Variants in CRACR2A observed in about 807,000 individuals in gnomAD.
The protein encoded by CRACR2A is calcium release activated channel regulator 2A.
In CRACR2A, 79 loss-of-function variants were observed where a neutral mutation model predicts 90.5. The observed-to-expected ratio is 0.87, with a 90% CI of 0.73 to 1.05. The LOEUF (loss-of-function observed/expected upper bound fraction) is 1.05, where lower values mean the gene tolerates loss of function less well. CRACR2A is among the 50% of genes least tolerant of loss of function. CRACR2A has a pLI of 0.00. For synonymous variants in CRACR2A, 338 were observed against 356.7 expected (o/e 0.95, Z 0.59); for missense variants, 823 against 897.2 (o/e 0.92, Z 1.06).
intron 18 of CRACR2A, among the ~76,000 whole-genome samples, chr12:3,618,774 T>G (rs779382178): frequency 1.3e-5 from 2 of 152,182 alleles, no homozygotes; most frequent in Non-Finnish European, 2.9e-5. Flanking sequence ...AGCAAGGGGC[T>G]CCATGCTTTT....
intron 17 of CRACR2A, among the ~76,000 whole-genome samples, chr12:3,624,394 C>G (rs1289025971): frequency 6.6e-6 from 1 of 152,182 alleles, no homozygotes; most frequent in African/African-American, 2.4e-5. Flanking sequence ...TTTTCAGTTC[C>G]CCTCAGATCA....
At chr12:3,735,009 T>C (rs1267331067) in intron 1 of CRACR2A, among the ~76,000 whole-genome samples, 1 of 152,164 alleles carries the variant, frequency 6.6e-6, no homozygotes, top group Non-Finnish European at 1.5e-5. Context: ...GGGTAGATTT[T>C]AAATGCTCCT....
At chr12:3,628,086 CCTCCCT>C (rs1944304704) in intron 15 of CRACR2A, among the ~76,000 whole-genome samples, 1 of 121,168 alleles carries the variant, frequency 8.3e-6, no homozygotes, top group African/African-American at 3.2e-5. Flanking sequence ...TCTCTCCTTC[CCTCCCT>C]CTCTCCTTCC....
chr12:3,724,256 T>C (rs561566730), intron 2 of CRACR2A, among the ~76,000 whole-genome samples: 1 of 152,320 alleles, frequency 6.6e-6, no homozygotes, highest in African/African-American at 2.4e-5. Context: ...ACCTGGGAAA[T>C]GCACGCACAA....
chr12:3,676,768 T>C (rs550016282), intron 6 of CRACR2A, among the ~76,000 whole-genome samples: 1 of 152,106 alleles, frequency 6.6e-6, no homozygotes, highest in South Asian at 2.1e-4. Flanking sequence ...GCAAACCAAA[T>C]GGACTGAGAC....
intron 1 of CRACR2A, among the ~76,000 whole-genome samples, chr12:3,743,193 T>A (rs1946555617): frequency 6.6e-6 from 1 of 152,242 alleles, no homozygotes; most frequent in African/African-American, 2.4e-5. Flanking sequence ...TAGTTTGCGA[T>A]GTGTGACTAC....
Position 3,680,273 on chromosome 12 carries a change from C to A in CRACR2A, c.305G>T (p.Gly102Val). 6.2e-7 allele frequency: 1 copy of A among 1,614,154 alleles called. No individual in the cohort carries two copies. The highest frequency in any genetic ancestry group is 8.5e-7 in the Non-Finnish European group (1 of 1,179,982). ...AGTGAACTCCTGTGGGGTCAGATAG[C>A]CATTGCCATCAGCATCCAGGGCATC... Reference protein sequence around the residue: ...VFDALDADGNGYLTPQEFTTG... With the variant: ...VFDALDADGNVYLTPQEFTTG... The change falls in exon 5 of 20, where the codon GGC (glycine) becomes GTC (valine). Residue 102 changes from glycine to valine, a missense_variant. Gly to Val is a moderately radical substitution (Grantham distance 109, BLOSUM62 -3). Transcript: ENST00000440314.
chr12:3,713,607 T>C (rs189487563), intron 2 of CRACR2A, among the ~76,000 whole-genome samples: 138 of 152,276 alleles, frequency 9.1e-4, no homozygotes, highest in African/African-American at 2.4e-3. Context: ...TCAGGGTTAA[T>C]TGGACACTGC....
At chr12:3,726,183 T>C (rs1485963567) in intron 2 of CRACR2A, 1 of 151,322 alleles carries the variant, frequency 6.6e-6, no homozygotes, top group Non-Finnish European at 1.5e-5. Context: ...TATAAATACA[T>C]ACTATATGTA....
intron 4 of CRACR2A, among the ~76,000 whole-genome samples, chr12:3,693,171 C>T (rs1352457426): frequency 2.6e-5 from 4 of 152,144 alleles, no homozygotes; most frequent in Non-Finnish European, 1.5e-5. Flanking sequence ...CTGCCGTGGG[C>T]CTGGGGGAAG....
Position 3,710,791 on chromosome 12 carries a change from C to CAA in CRACR2A, c.-37+2444_-37+2445dup, listed in dbSNP as rs902683230. 9.1e-4 allele frequency among the ~76,000 whole-genome samples: 105 copies of CAA among 115,744 alleles called. 3 individuals carry two copies. In the South Asian group the frequency reaches 0.017, roughly 19 times the overall value. 75.9% of individuals were successfully genotyped at this position (115,744 alleles called of 152,430 possible). A position where few individuals can be genotyped will look rare whatever the true frequency, so the allele number is the denominator to read the frequency against. On this transcript the variant is annotated intron_variant, in intron 3 of 19. Coordinates refer to ENST00000440314, the MANE Select transcript of CRACR2A (RefSeq NM_001144958.2). ...CTGGCGACAGAGCGAGGCTCCACCG[C>CAA]AAAAAAAAAAAAAAGAAAGAAAGAA...
intron 4 of CRACR2A, among the ~76,000 whole-genome samples, chr12:3,690,788 G>C (rs961183423): frequency 4.6e-5 from 7 of 152,152 alleles, no homozygotes; most frequent in Non-Finnish European, 1.0e-4. Flanking sequence ...TATAGTGTGG[G>C]AGTCTAAGTC....
chr12:3,719,125 A>T (rs988044355), intron 2 of CRACR2A, among the ~76,000 whole-genome samples: 4 of 152,232 alleles, frequency 2.6e-5, no homozygotes, highest in Non-Finnish European at 5.9e-5. Flanking sequence ...TGATTAACAC[A>T]GCCTCGGTTA....
Position 3,679,077 on chromosome 12 carries a change from T to C in CRACR2A, c.362A>G (p.Asn121Ser), listed in dbSNP as rs1161101500. ...ACCTGCATCTTCCTGACTTGGGTTA[T>C]TCTGGCTGAAGAAGAAGTGACCTGG... ...TGFSHFFFSQ[N>S]NPSQEDAGEQ... Residue 121 changes from asparagine (N) to serine (S), a missense_variant, in exon 6 of 20, where the codon AAT becomes AGT. By Grantham distance (46) the Asn-to-Ser change is conservative (BLOSUM62 1). Transcript: ENST00000440314. The C allele has an allele frequency of 6.2e-7, 1 of 1,613,074 alleles. No homozygotes were observed. The highest frequency in any genetic ancestry group is 8.5e-7 in the Non-Finnish European group (1 of 1,179,598).
At chr12:3,678,586 G>A (rs1945380232) in intron 6 of CRACR2A, among the ~76,000 whole-genome samples, 1 of 152,108 alleles carries the variant, frequency 6.6e-6, no homozygotes, top group African/African-American at 2.4e-5. Flanking sequence ...CCTCTGATGT[G>A]TGAGTGCCTC....
chr12:3,682,062 TGAG>T (rs1462716439), intron 4 of CRACR2A, among the ~76,000 whole-genome samples: 4 of 152,030 alleles, frequency 2.6e-5, no homozygotes, highest in Admixed American at 2.6e-4. Context: ...AGAACACGGG[TGAG>T]GAGAGAGTCA....
intron 12 of CRACR2A, among the ~76,000 whole-genome samples, chr12:3,642,711 G>A (rs1944596196): frequency 6.6e-6 from 1 of 152,324 alleles, no homozygotes; most frequent in Non-Finnish European, 1.5e-5. Context: ...GGTGGAAGTA[G>A]GCTGGGTGTA....
chr12:3,745,833 GA>G (rs1358315431), intron 1 of CRACR2A, among the ~76,000 whole-genome samples: 3 of 43,298 alleles, frequency 6.9e-5, no homozygotes, highest in Non-Finnish European at 1.0e-4. Flanking sequence ...AATAAAGAAA[GA>G]AAAGAGAAGA....
chr12:3,665,415 T>C (rs1838308870), intron 7 of CRACR2A, among the ~76,000 whole-genome samples: 1 of 152,226 alleles, frequency 6.6e-6, no homozygotes, highest in South Asian at 2.1e-4. Flanking sequence ...TTTCTGGCCT[T>C]GGATAAGTCA....
Sources: gnomAD v4.1 joint callset for allele counts (sites outside exome capture counted in the v4.1 genomes callset) on GRCh38, gnomAD v4.1.1 for gene constraint, MANE v1.5 for transcripts, NCBI Gene and HGNC (gene_info 2026-07-23, HGNC 2026-07-21) for gene names.